Variants in THSD7B observed in about 807,000 individuals in gnomAD.
THSD7B encodes thrombospondin type-1 domain-containing protein 7B.
A neutral mutation model predicts 213.6 loss-of-function variants in THSD7B; 138 were observed. The observed-to-expected ratio is 0.65, with a 90% CI of 0.56 to 0.74. THSD7B has a LOEUF of 0.74. THSD7B is among the 30% of genes least tolerant of loss of function. The probability of loss-of-function intolerance (pLI) is 0.00; values close to 1 mark genes in which losing one functional copy is unlikely to be tolerated. For synonymous variants in THSD7B, 742 were observed against 687.0 expected (o/e 1.08, Z -1.25); for missense variants, 1,931 against 1,991.5 (o/e 0.97, Z 0.58).
intron 1 of THSD7B, among the ~76,000 whole-genome samples, chr2:136,770,287 G>T (rs1354858763): frequency 6.6e-6 from 1 of 152,152 alleles, no homozygotes; most frequent in Non-Finnish European, 1.5e-5. Flanking sequence ...ATTATAATAA[G>T]ACTAAGGCTT....
At chr2:137,425,740 G>A (rs182024440) in intron 14 of THSD7B, among the ~76,000 whole-genome samples, 298 of 152,146 alleles carry the variant, frequency 2.0e-3, no homozygotes, top group African/African-American at 6.6e-3. Flanking sequence ...TGTCCTCAAT[G>A]GTAAAAAGTT....
chr2:137,661,065 A>G (rs1010677360), intron 25 of THSD7B, among the ~76,000 whole-genome samples: 42 of 152,312 alleles, frequency 2.8e-4, no homozygotes, highest in African/African-American at 9.1e-4. Flanking sequence ...TCTGTTCAGA[A>G]AATGCTAGAT....
chr2:137,554,956 G>T (rs766683422), intron 15 of THSD7B, among the ~76,000 whole-genome samples: 15 of 152,210 alleles, frequency 9.9e-5, no homozygotes, highest in Non-Finnish European at 1.9e-4. Context: ...TGCTAGCACA[G>T]CAGTCTGAGA....
intron 15 of THSD7B, among the ~76,000 whole-genome samples, chr2:137,503,250 A>G (rs1422582335): frequency 6.6e-6 from 1 of 152,146 alleles, no homozygotes; most frequent in African/African-American, 2.4e-5. Flanking sequence ...AGTGAGTTGT[A>G]TACACTTGTG....
chr2:137,481,772 A>T (rs1688310179), intron 15 of THSD7B, among the ~76,000 whole-genome samples: 1 of 152,250 alleles, frequency 6.6e-6, no homozygotes, highest in Non-Finnish European at 1.5e-5. Flanking sequence ...GAGAATACAA[A>T]AATATAATAG....
chr2:136,935,211 A>G (rs1461343675), intron 2 of THSD7B, among the ~76,000 whole-genome samples: 1 of 152,126 alleles, frequency 6.6e-6, no homozygotes, highest in East Asian at 1.9e-4. Context: ...TTTATGCAGA[A>G]CACTTTTTCT....
intron 5 of THSD7B, among the ~76,000 whole-genome samples, chr2:137,141,101 T>G (rs1220975486): frequency 3.3e-5 from 5 of 151,432 alleles, no homozygotes; most frequent in Admixed American, 6.6e-5. Flanking sequence ...CATGGAGGAG[T>G]GTGAGGCTGG....
At chr2:137,518,582 A>G (rs2105162819) in intron 15 of THSD7B, among the ~76,000 whole-genome samples, 1 of 152,194 alleles carries the variant, frequency 6.6e-6, no homozygotes, top group East Asian at 1.9e-4. Flanking sequence ...TGTATCCTAT[A>G]TGAGTGCTCA....
intron 2 of THSD7B, among the ~76,000 whole-genome samples, chr2:136,963,827 T>A (rs1372963009): frequency 6.6e-6 from 1 of 152,176 alleles, no homozygotes; most frequent in Non-Finnish European, 1.5e-5. Flanking sequence ...GTCTTGAATG[T>A]TTTTGAGCAG....
chr2:137,302,988 C>A (rs1019561848), intron 12 of THSD7B, among the ~76,000 whole-genome samples: 6 of 152,098 alleles, frequency 3.9e-5, no homozygotes, highest in African/African-American at 1.4e-4. Context: ...TAGAGACACA[C>A]AGAGGCACTT....
In THSD7B at chr2:137,664,451, C is replaced by G. The variant is rs917173061; in HGVS notation, c.4651+876C>G. 2.0e-5 allele frequency among the ~76,000 whole-genome samples: 3 copies of G among 152,120 alleles called. No homozygotes were observed. In the East Asian group the frequency reaches 5.8e-4, roughly 29 times the overall value. On this transcript the variant is annotated intron_variant, in intron 26 of 27. Coordinates refer to ENST00000409968, the MANE Select transcript of THSD7B (RefSeq NM_001316349.2). ...ACCCAATCTAGTGGTATTTATCCTGCAGGATTGTCATGGATATTGCAGTAT... is the reference window on the plus strand; with the variant it reads ...ACCCAATCTAGTGGTATTTATCCTGGAGGATTGTCATGGATATTGCAGTAT...
At chr2:137,185,216 G>C (rs1254156727) in intron 7 of THSD7B, among the ~76,000 whole-genome samples, 2 of 151,748 alleles carry the variant, frequency 1.3e-5, no homozygotes, top group Non-Finnish European at 2.9e-5. Context: ...TCTAGCCACA[G>C]GGCTGACTGC....
intron 12 of THSD7B, among the ~76,000 whole-genome samples, chr2:137,382,979 C>T (rs1685810031): frequency 6.6e-6 from 1 of 152,126 alleles, no homozygotes; most frequent in Non-Finnish European, 1.5e-5. Context: ...ATATAGTAGC[C>T]AATGGGCTGA....
intron 7 of THSD7B, among the ~76,000 whole-genome samples, chr2:137,216,215 C>T (rs13386816): frequency 5.9e-5 from 9 of 151,614 alleles, no homozygotes; most frequent in Admixed American, 3.3e-4. Context: ...GCTTTGCACA[C>T]ATAAGTATAA....
intron 2 of THSD7B, among the ~76,000 whole-genome samples, chr2:137,045,644 C>T (rs149876921): frequency 1.2e-3 from 186 of 152,308 alleles, no homozygotes; most frequent in African/African-American, 4.3e-3. Context: ...ATGCAATTCT[C>T]ATTTATTTAC....
At chr2:137,050,356 G>A (rs994608524) in intron 2 of THSD7B, among the ~76,000 whole-genome samples, 2 of 152,208 alleles carry the variant, frequency 1.3e-5, no homozygotes, top group Middle Eastern at 3.4e-3. Flanking sequence ...CTTTGCTGTC[G>A]AGCTACTTCT....
chr2:136,954,882 GATAC>G (rs1163462258), intron 2 of THSD7B, among the ~76,000 whole-genome samples: 1 of 151,972 alleles, frequency 6.6e-6, no homozygotes, highest in African/African-American at 2.4e-5. Context: ...AATATATATA[GATAC>G]ATTTGTTTCT....
chr2:137,558,473 T>C (rs1681034241), intron 15 of THSD7B, among the ~76,000 whole-genome samples: 1 of 152,194 alleles, frequency 6.6e-6, no homozygotes, highest in African/African-American at 2.4e-5. Context: ...CACGTGATTA[T>C]CTCAATAGAT....
chr2:137,642,319 T>C, intron 20 of THSD7B, 169 bp from the exon 21 acceptor site: 8 of 726,670 alleles, frequency 1.1e-5, no homozygotes, highest in Non-Finnish European at 1.5e-5. Context: ...CTAGATAGCC[T>C]GTGTCTCTGT....
Sources: gnomAD v4.1 joint callset for allele counts (sites outside exome capture counted in the v4.1 genomes callset) on GRCh38, gnomAD v4.1.1 for gene constraint, MANE v1.5 for transcripts, NCBI Gene and HGNC (gene_info 2026-07-23, HGNC 2026-07-21) for gene names.